Variants in CPB2 observed in about 807,000 individuals in gnomAD.
CPB2 encodes the protein carboxypeptidase B2.
CPB2 carries 54 observed loss-of-function variants against 57.0 expected under a neutral mutation model. That is an observed-to-expected ratio of 0.95 (90% CI 0.76 to 1.19). CPB2 has a LOEUF of 1.19. Among genes scored for constraint, CPB2 ranks in the 50% most tolerant of loss-of-function variants. The pLI is 0.00. For synonymous variants in CPB2, 189 were observed against 178.1 expected (o/e 1.06, Z -0.49); for missense variants, 426 against 512.0 (o/e 0.83, Z 1.62).
intron 5 of CPB2, among the ~76,000 whole-genome samples, chr13:46,075,610 A>G (rs190553919): frequency 1.3e-5 from 2 of 152,232 alleles, no homozygotes; most frequent in Admixed American, 6.5e-5. Flanking sequence ...CCAACATTTC[A>G]TATGTCTGCC....
chr13:46,059,996 A>G (rs7987385), intron 8 of CPB2, among the ~76,000 whole-genome samples: 119,790 of 152,106 alleles, frequency 0.79, 47,525 homozygotes, highest in African/African-American at 0.87. Context: ...CTTTTATGTG[A>G]TATATAATTC....
intron 4 of CPB2, among the ~76,000 whole-genome samples, chr13:46,079,195 C>G (rs1254422651): frequency 6.6e-6 from 1 of 152,146 alleles, no homozygotes; most frequent in Non-Finnish European, 1.5e-5. Context: ...TTAAAGTCAT[C>G]ACATTGAGTC....
At chr13:46,082,636 T>A in intron 3 of CPB2, 87 bp from the exon 4 acceptor site, 4 of 739,098 alleles carry the variant, frequency 5.4e-6, no homozygotes, top group Admixed American at 2.4e-5. Flanking sequence ...CAGGTGAGCA[T>A]GAAGAAAAAA....
intron 1 of CPB2, among the ~76,000 whole-genome samples, chr13:46,092,302 A>C (rs17844010): frequency 4.2e-4 from 64 of 152,310 alleles, no homozygotes; most frequent in Non-Finnish European, 6.9e-4. Flanking sequence ...ATCTCGGAAC[A>C]GAAAAAGAGC....
rs1593906902 is a variant in CPB2 at position 46,084,086 on chromosome 13, G to T, written c.275+133C>A. On this transcript the variant is annotated intron_variant, in intron 3 of 10. Transcript: ENST00000181383. ...CTTAGGCTTTATCACCAGTCCATTTGGTCCAGTCAGAGACTTCTATGCTGC... is the reference window on the plus strand; with the variant it reads ...CTTAGGCTTTATCACCAGTCCATTTTGTCCAGTCAGAGACTTCTATGCTGC... 9 of 1,064,888 alleles carry T rather than the reference G, an allele frequency of 8.5e-6. No individual in the cohort carries two copies. The East Asian group carries it at 1.5e-4, about 17-fold the overall frequency. The allele number at this position is 1,064,888 out of a possible 1,614,324, so 66.0% of individuals were successfully genotyped here.
In CPB2 at chr13:46,072,032, G is replaced by A. The variant is rs17844226; in HGVS notation, c.591+1841C>T. Among the ~76,000 whole-genome samples the A allele has an allele frequency of 7.5e-3, 1,147 of 152,272 alleles. 17 individuals carry two copies. The highest frequency in any genetic ancestry group is 0.026 in the African/African-American group (1,070 of 41,562). On this transcript the variant is annotated intron_variant, in intron 6 of 10. Coordinates refer to ENST00000181383, the MANE Select transcript of CPB2 (RefSeq NM_001872.5). ...TCCTATGATGTGCCAGCCCTGTGCC[G>A]GATTTTGGCTTGGTGATGCAGTCAT...
intron 9 of CPB2, among the ~76,000 whole-genome samples, chr13:46,056,151 T>C (rs908412599): frequency 3.9e-5 from 6 of 152,264 alleles, no homozygotes; most frequent in South Asian, 4.1e-4. Flanking sequence ...TCATTTATTA[T>C]GGAAAATGAA....
intron 3 of CPB2, among the ~76,000 whole-genome samples, 167 bp downstream of exon 3, chr13:46,084,050 CAG>C (rs2045160399): frequency 6.6e-6 from 1 of 152,200 alleles, no homozygotes; most frequent in Admixed American, 6.5e-5. Context: ...TCCAAGATCA[CAG>C]AGCTGGACCT....
At chr13:46,064,791 C>T (rs1442657683) in intron 7 of CPB2, 50 bp from the exon 8 acceptor site, 1 of 1,445,874 alleles carries the variant, frequency 6.9e-7, no homozygotes, top group Non-Finnish European at 9.7e-7. Context: ...CGTTCAAGGC[C>T]TGAGGAAAGA....
At chr13:46,087,178 G>A (rs777045194) in intron 2 of CPB2, among the ~76,000 whole-genome samples, 4 of 152,180 alleles carry the variant, frequency 2.6e-5, no homozygotes, top group Non-Finnish European at 5.9e-5. Context: ...AGCTGCGCCT[G>A]GGGAGCATGA....
intron 1 of CPB2, among the ~76,000 whole-genome samples, chr13:46,096,069 C>T (rs1033198041): frequency 1.3e-5 from 2 of 151,596 alleles, no homozygotes; most frequent in African/African-American, 2.4e-5. Flanking sequence ...TTAGTAAAAA[C>T]GGGGATTCAC....
chr13:46,053,710 G>A lies in CPB2; in HGVS notation c.1176C>T (p.Tyr392=), dbSNP rs747504135. 2 of 1,614,172 alleles carry A rather than the reference G, an allele frequency of 1.2e-6. No homozygotes were observed. The highest frequency in any genetic ancestry group is 1.1e-5 in the South Asian group (1 of 91,086). Residue 392 remains tyrosine, a synonymous_variant, in exon 11 of 11, where the codon TAC becomes TAT. Transcript: ENST00000181383. The stretch of plus-strand genomic sequence containing the variant: ...TGTAACGCTCCGGCAGCAAGAATCC[G>A]TATGTGCCCGTATCTCGAAGTTCAA... The part of the protein sequence containing the change: ...FTIELRDTGT[Y]GFLLPERYIK...
At position 46,082,550 on chromosome 13, in the gene CPB2, C is replaced by A; in HGVS notation, c.276-1G>T. ...ATCTTCCACATCTGCCAGCAAGACA[C>A]TAGGTGATGAAACAGAGAGTGAGCT... On this transcript the variant is annotated splice_acceptor_variant, in intron 3 of 10. Coordinates refer to ENST00000181383, the MANE Select transcript of CPB2 (RefSeq NM_001872.5). LOFTEE classifies it high-confidence loss of function. The A allele has an allele frequency of 6.2e-7, 1 of 1,601,336 alleles. No individual in the cohort carries two copies. The highest frequency in any genetic ancestry group is 1.1e-5 in the South Asian group (1 of 90,696).
intron 5 of CPB2, among the ~76,000 whole-genome samples, chr13:46,076,177 G>A (rs548108450): frequency 1.3e-4 from 20 of 152,034 alleles, no homozygotes; most frequent in South Asian, 1.0e-3. Context: ...GAAATAAAAG[G>A]CATCTAAATT....
At chr13:46,056,557 T>C (rs1336178636) in intron 9 of CPB2, among the ~76,000 whole-genome samples, 4 of 152,252 alleles carry the variant, frequency 2.6e-5, no homozygotes, top group African/African-American at 7.2e-5. Flanking sequence ...TTTTATGCCA[T>C]CTCATTGTTC....
intron 2 of CPB2, among the ~76,000 whole-genome samples, chr13:46,086,135 G>T (rs1161100298): frequency 1.3e-5 from 2 of 152,254 alleles, no homozygotes; most frequent in East Asian, 3.9e-4. Flanking sequence ...GAACCACAGA[G>T]CCCTAAAGAG....
At chr13:46,073,078 C>CAA (rs1357672256) in intron 6 of CPB2, among the ~76,000 whole-genome samples, 1 of 152,158 alleles carries the variant, frequency 6.6e-6, no homozygotes, top group Non-Finnish European at 1.5e-5. Context: ...CAAGCAAAGA[C>CAA]AGAAACAGTT....
At chr13:46,057,394 T>C (rs1044952418) in intron 9 of CPB2, among the ~76,000 whole-genome samples, 3 of 152,162 alleles carry the variant, frequency 2.0e-5, no homozygotes, top group Non-Finnish European at 4.4e-5. Context: ...TTTTATTCTG[T>C]TAAGAGAGCC....
At position 46,055,882 on chromosome 13, in the gene CPB2, T is replaced by C. The variant is rs551542142; in HGVS notation, c.1000-33A>G. ...CAACAAGATATAGAATTTCAGTTAA[T>C]GTGCAGCTTTGAAACATGACAAGTA... On this transcript the variant is annotated intron_variant, in intron 9 of 10. Coordinates refer to ENST00000181383, the MANE Select transcript of CPB2 (RefSeq NM_001872.5). 2.4e-6 allele frequency: 3 copies of C among 1,250,542 alleles called. No individual in the cohort carries two copies. The Admixed American group carries it at 5.7e-5, about 24-fold the overall frequency. 77.5% of individuals were successfully genotyped at this position (1,250,542 alleles called of 1,614,324 possible). A position where few individuals can be genotyped will look rare whatever the true frequency, so the allele number is the denominator to read the frequency against.
Sources: gnomAD v4.1 joint callset for allele counts (sites outside exome capture counted in the v4.1 genomes callset) on GRCh38, gnomAD v4.1.1 for gene constraint, MANE v1.5 for transcripts, NCBI Gene and HGNC (gene_info 2026-07-23, HGNC 2026-07-21) for gene names.